NLRP13: variants seen among roughly 807,000 people sequenced by gnomAD.
NLRP13 encodes the protein NLR family pyrin domain containing 13.
Under a neutral mutation model 94.4 loss-of-function variants are expected in NLRP13, and 82 were observed. The observed-to-expected ratio is 0.87, with a 90% CI of 0.73 to 1.04. The LOEUF (loss-of-function observed/expected upper bound fraction) is 1.04. Ranked by LOEUF, NLRP13 falls within the 50% of genes least tolerant of loss-of-function variation. The probability of loss-of-function intolerance (pLI) is 0.00; values close to 1 mark genes in which losing one functional copy is unlikely to be tolerated. For synonymous variants in NLRP13, 553 were observed against 464.7 expected (o/e 1.19, Z -2.45); for missense variants, 1,426 against 1,230.8 (o/e 1.16, Z -2.37).
chr19:55,899,573 A>G (rs530898903), intron 9 of NLRP13, among the ~76,000 whole-genome samples: 253 of 152,096 alleles, frequency 1.7e-3, no homozygotes, highest in Middle Eastern at 3.4e-3. Flanking sequence ...TGAGGTCAGG[A>G]GTTCGAGACC....
chr19:55,925,459 G>A (rs1054507576), intron 1 of NLRP13, among the ~76,000 whole-genome samples: 3 of 152,136 alleles, frequency 2.0e-5, no homozygotes, highest in African/African-American at 7.2e-5. Context: ...TGTGATTTAT[G>A]CGTTATGTCT....
chr19:55,927,456 TA>T (rs10707874), intron 1 of NLRP13, among the ~76,000 whole-genome samples: 67,683 of 144,712 alleles, frequency 0.47, 15,856 homozygotes, highest in East Asian at 0.61. Flanking sequence ...TCTAATTCCT[TA>T]AAAAAAAAAA....
rs77404679 is a variant in NLRP13, at chr19:55,915,251, C to T, written c.524-1958G>A. On this transcript the variant is annotated intron_variant, in intron 4 of 10. Coordinates refer to ENST00000342929, the MANE Select transcript of NLRP13 (RefSeq NM_176810.2). The stretch of plus-strand genomic sequence containing the variant: ...GTAAGTGTTGTGGATTAAGGAGGTT[C>T]GAGATGGCTGACTGGAGACATTGGG... Among the ~76,000 whole-genome samples the T allele has an allele frequency of 5.9e-3, 902 of 152,214 alleles. 7 individuals are homozygous for T. Among genetic ancestry groups the T allele is most frequent in the African/African-American group, 0.02 (817 of 41,518 alleles).
At chr19:55,926,660 A>C (rs1438250471) in intron 1 of NLRP13, among the ~76,000 whole-genome samples, 1 of 152,094 alleles carries the variant, frequency 6.6e-6, no homozygotes, top group African/African-American at 2.4e-5. Flanking sequence ...TTATGCACTT[A>C]AGTCAATGTG....
At chr19:55,894,409 C>T (rs778777389), downstream of NLRP13, among the ~76,000 whole-genome samples, 1 of 152,180 alleles carries the variant, frequency 6.6e-6, no homozygotes, top group Non-Finnish European at 1.5e-5. Context: ...AAATGCTCTT[C>T]TCTCAGTGCC....
chr19:55,898,962 G>A (rs766605952), intron 9 of NLRP13, 25 bp from the exon 10 acceptor site: 3 of 1,602,978 alleles, frequency 1.9e-6, no homozygotes, highest in Non-Finnish European at 2.6e-6. Flanking sequence ...CATACAAAAG[G>A]GGGGAAAGTA....
chr19:55,896,010 C>T lies in NLRP13; in HGVS notation c.3067G>A (p.Asp1023Asn). The change falls in exon 11 of 11, where the codon GAT (aspartate) becomes AAT (asparagine). Residue 1023 changes from aspartate to asparagine, a missense_variant. By Grantham distance (23) the Asp-to-Asn change is conservative (BLOSUM62 1). Transcript: ENST00000342929. ...GCCTTACATAGCATCTTGACACCAT[C>T]AGTATCCAATTCATTGCCTAGAAGG... is the stretch of plus-strand genomic sequence containing the variant. ...LNLLGNELDTDGVKMLCKALK... is the reference protein window; with the variant it reads ...LNLLGNELDTNGVKMLCKALK... The T allele has an allele frequency of 6.2e-7, 1 of 1,614,212 alleles. No homozygotes were observed. The highest frequency in any genetic ancestry group is 1.1e-5 in the South Asian group (1 of 91,084).
chr19:55,906,420 T>TAAGTAAATGC (rs1376457763), intron 7 of NLRP13, among the ~76,000 whole-genome samples: 3 of 149,356 alleles, frequency 2.0e-5, no homozygotes, highest in African/African-American at 7.4e-5. Flanking sequence ...GTCAATGTGA[T>TAAGTAAATGC]AAGTAAATGC....
At chr19:55,896,227 T>G (rs1359162053) in intron 10 of NLRP13, 108 bp from the exon 11 acceptor site, 31 of 1,267,492 alleles carry the variant, frequency 2.4e-5, no homozygotes, top group Non-Finnish European at 3.2e-5. Context: ...GCAGACTGCT[T>G]AAGAGTGGAG....
intron 4 of NLRP13, 41 bp from the exon 5 acceptor site, chr19:55,913,334 TTTCAGAGTTAGGAATGA>T (rs1488102467): frequency 6.3e-7 from 1 of 1,575,010 alleles, no homozygotes; most frequent in East Asian, 2.2e-5. Context: ...TAAGAATAAA[TTTCAGAGTTAGGAATGA>T]TTCAGTTACA....
At position 55,912,065 on chromosome 19, in the gene NLRP13, C is replaced by T. The variant is rs1986533118; in HGVS notation, c.1752G>A (p.Val584=). ...TTAAAAGACCAAAGAAGAACAGAACCACTGGAGTCCAGTAGGCTTCTTTGT... is the reference window on the plus strand; with the variant it reads ...TTAAAAGACCAAAGAAGAACAGAACTACTGGAGTCCAGTAGGCTTCTTTGT... The part of the protein sequence containing the change: ...LLDKEAYWTP[V]VLFFFGLLNK... Residue 584 remains valine (V), a synonymous_variant, in exon 5 of 11, where the codon GTG becomes GTA. Transcript: ENST00000342929. The T allele has an allele frequency of 6.2e-7, 1 of 1,614,144 alleles. No individual in the cohort carries two copies. Among genetic ancestry groups the T allele is most frequent in the Non-Finnish European group, 8.5e-7 (1 of 1,180,034 alleles).
chr19:55,904,522 A>C (rs1044967048), intron 8 of NLRP13, among the ~76,000 whole-genome samples: 1 of 152,044 alleles, frequency 6.6e-6, no homozygotes, highest in Non-Finnish European at 1.5e-5. Flanking sequence ...AATCAACCCC[A>C]TCCCTGTCAT....
In NLRP13 at chr19:55,927,167, G is replaced by A. The variant is rs567311846; in HGVS notation, c.320-2132C>T. On this transcript the variant is annotated intron_variant, in intron 1 of 10. Transcript: ENST00000342929. ...AGGCAGATCACCAGGTCAGGAGTTT[G>A]GGACCAGCCTGGCCAGCGTGGGGAA... Among the ~76,000 whole-genome samples the A allele has an allele frequency of 2.6e-5, 4 of 152,112 alleles. 1 individual carries two copies. Among genetic ancestry groups the A allele is most frequent in the African/African-American group, 9.6e-5 (4 of 41,498 alleles).
chr19:55,925,091 C>A, intron 1 of NLRP13, 56 bp from the exon 2 acceptor site: 1 of 1,487,630 alleles, frequency 6.7e-7, no homozygotes. Context: ...AATGGACCAG[C>A]AATAATGGAG....
At chr19:55,918,573 G>A (rs1395408620) in intron 4 of NLRP13, among the ~76,000 whole-genome samples, 1 of 151,894 alleles carries the variant, frequency 6.6e-6, no homozygotes, top group Admixed American at 6.6e-5. Context: ...AAATACAGAT[G>A]ATCAGAGACT....
At position 55,923,926 on chromosome 19, in the gene NLRP13, G is replaced by A; in HGVS notation, c.511C>T (p.Leu171=). 6.2e-7 allele frequency: 1 copy of A among 1,613,358 alleles called. No individual in the cohort carries two copies. The highest frequency in any genetic ancestry group is 8.5e-7 in the Non-Finnish European group (1 of 1,179,390). ...GTAGTATACACACCTGCTTCCTCTAGCATCTCTGGTTCTTCTTGGTTTGGA... is the reference window on the plus strand; with the variant it reads ...GTAGTATACACACCTGCTTCCTCTAACATCTCTGGTTCTTCTTGGTTTGGA... ...QDPNQEEPEM[L]EEADHRRKYR... is the part of the protein sequence containing the mutation. The change falls in exon 4 of 11, where the codon CTA becomes TTA. Residue 171 remains leucine (L), a synonymous_variant. Coordinates refer to ENST00000342929, the MANE Select transcript of NLRP13 (RefSeq NM_176810.2).
chr19:55,903,712 G>A (rs1486663607), intron 8 of NLRP13, among the ~76,000 whole-genome samples: 1 of 152,004 alleles, frequency 6.6e-6, no homozygotes, highest in Non-Finnish European at 1.5e-5. Context: ...CCCTCTGGGA[G>A]GTGTTCTTGG....
chr19:55,905,474 C>CAT lies in NLRP13; in HGVS notation c.2448-364_2448-363dup, dbSNP rs759111702. Among the ~76,000 whole-genome samples, 915 of 118,206 alleles carry CAT rather than the reference C, an allele frequency of 7.7e-3. 4 individuals are homozygous for CAT. The highest frequency in any genetic ancestry group is 0.014 in the African/African-American group (538 of 37,244). The allele number at this position is 118,206 out of a possible 152,430, so 77.5% of individuals were successfully genotyped here. A position where few individuals can be genotyped will look rare whatever the true frequency, so the allele number is the denominator to read the frequency against. ...ATATACATATATACACACATATATACATATATATATACACACATATATACA... is the reference window on the plus strand; with the variant it reads ...ATATACATATATACACACATATATACATATATATATATACACACATATATACA... On this transcript the variant is annotated intron_variant, in intron 7 of 10. Transcript: ENST00000342929.
In NLRP13 at chr19:55,907,793, A is replaced by G. The variant is rs1212833423; in HGVS notation, c.2446T>C (p.Cys816Arg). 1 of 1,613,778 alleles carries G rather than the reference A, an allele frequency of 6.2e-7. No individual in the cohort carries two copies. Among genetic ancestry groups the G allele is most frequent in the Non-Finnish European group, 8.5e-7 (1 of 1,179,874 alleles). Residue 816 changes from cysteine (C) to arginine (R), a missense_variant and splice_region_variant, in exon 7 of 11, where the codon TGC (cysteine) becomes CGC (arginine). Transcript: ENST00000342929. ...RHSACNLKYLCLEKCNLSAAS... is the reference protein window; with the variant it reads ...RHSACNLKYLRLEKCNLSAAS... ...AGATCTAGGGAGCCAAAGACTTACC[A>G]CAGATACTTGAGGTTGCAAGCTGAG...
Sources: gnomAD v4.1 joint callset for allele counts (sites outside exome capture counted in the v4.1 genomes callset) on GRCh38, gnomAD v4.1.1 for gene constraint, MANE v1.5 for transcripts, NCBI Gene and HGNC (gene_info 2026-07-23, HGNC 2026-07-21) for gene names.